Variants in FRMD5 observed in about 807,000 individuals in gnomAD.
The protein encoded by FRMD5 is FERM domain-containing protein 5.
Under a neutral mutation model 69.0 loss-of-function variants are expected in FRMD5, and 20 were observed. The observed-to-expected ratio is 0.29, with a 90% CI of 0.20 to 0.42. The LOEUF is 0.42. Among genes scored for constraint, FRMD5 ranks in the 10% least tolerant of loss-of-function variants. The pLI, the probability that FRMD5 is intolerant of heterozygous loss-of-function variation, is 1.00. For missense variants in FRMD5, 595 were observed against 708.6 expected (o/e 0.84, Z 1.82); for synonymous variants, 271 against 260.1 (o/e 1.04, Z -0.40).
At chr15:44,042,676 A>G (rs1006500160) in intron 1 of FRMD5, among the ~76,000 whole-genome samples, 5 of 152,234 alleles carry the variant, frequency 3.3e-5, no homozygotes, top group Non-Finnish European at 7.3e-5. Context: ...AATAACAAAA[A>G]GCACATGATT....
chr15:43,932,664 G>A (rs759750882), intron 1 of FRMD5, among the ~76,000 whole-genome samples: 1 of 152,218 alleles, frequency 6.6e-6, no homozygotes, highest in African/African-American at 2.4e-5. Flanking sequence ...TTAACTCAGC[G>A]TCCTGATCTC....
At chr15:44,073,444 C>T (rs1434370150) in intron 1 of FRMD5, among the ~76,000 whole-genome samples, 1 of 152,170 alleles carries the variant, frequency 6.6e-6, no homozygotes, top group African/African-American at 2.4e-5. Flanking sequence ...AGACTGCCTG[C>T]TAAATGGATA....
chr15:44,095,334 C>T (rs1163796866), intron 1 of FRMD5, among the ~76,000 whole-genome samples: 1 of 151,978 alleles, frequency 6.6e-6, no homozygotes, highest in Admixed American at 6.6e-5. Context: ...TCCCGAGTAG[C>T]TGGGACCACA....
chr15:44,154,783 A>C (rs867124438), intron 1 of FRMD5, among the ~76,000 whole-genome samples: 2 of 152,176 alleles, frequency 1.3e-5, no homozygotes, highest in Non-Finnish European at 2.9e-5. Context: ...TGAAAGGGAG[A>C]GGTTACATAG....
chr15:43,957,177 T>C lies in FRMD5; in HGVS notation c.103-32868A>G, dbSNP rs575229248. ...AGGTCATGTGTCACCTATTAAAATA[T>C]TTGTGATAATTTCTTTCTTTCTTTT... On this transcript the variant is annotated intron_variant, in intron 1 of 13. Coordinates refer to ENST00000417257, the MANE Select transcript of FRMD5 (RefSeq NM_032892.5). Among the ~76,000 whole-genome samples, 4 of 152,250 alleles carry C rather than the reference T, an allele frequency of 2.6e-5. No homozygotes were observed. The South Asian group carries it at 8.3e-4, about 32-fold the overall frequency.
chr15:44,099,639 C>T (rs1399938762), intron 1 of FRMD5, among the ~76,000 whole-genome samples: 2 of 152,208 alleles, frequency 1.3e-5, no homozygotes, highest in African/African-American at 4.8e-5. Context: ...GGCATCCTGA[C>T]TCCCTCAAGA....
chr15:44,044,701 G>A (rs1480475755), intron 1 of FRMD5, among the ~76,000 whole-genome samples: 9 of 152,068 alleles, frequency 5.9e-5, no homozygotes, highest in African/African-American at 2.2e-4. Context: ...TTCATAAGTG[G>A]GTGCTGAACA....
At chr15:44,094,751 T>C (rs2076526147) in intron 1 of FRMD5, among the ~76,000 whole-genome samples, 1 of 152,148 alleles carries the variant, frequency 6.6e-6, no homozygotes, top group Admixed American at 6.6e-5. Context: ...TATATGAATA[T>C]CAATATTCTG....
chr15:44,070,486 C>A (rs1205590955), intron 1 of FRMD5, among the ~76,000 whole-genome samples: 1 of 152,124 alleles, frequency 6.6e-6, no homozygotes, highest in African/African-American at 2.4e-5. Flanking sequence ...AGATCTGCAG[C>A]TATAGCACAT....
chr15:44,054,091 T>G (rs1459720622), intron 1 of FRMD5, among the ~76,000 whole-genome samples: 2 of 152,270 alleles, frequency 1.3e-5, no homozygotes, highest in East Asian at 3.8e-4. Context: ...TATGGTTGTG[T>G]GCCTTCTCAT....
At chr15:44,046,633 T>G (rs1892439890) in intron 1 of FRMD5, among the ~76,000 whole-genome samples, 1 of 152,266 alleles carries the variant, frequency 6.6e-6, no homozygotes, top group Admixed American at 6.5e-5. Context: ...CACACATTTT[T>G]TTGGCTCTGG....
At chr15:44,016,535 C>G (rs765565959) in intron 1 of FRMD5, among the ~76,000 whole-genome samples, 2 of 151,852 alleles carry the variant, frequency 1.3e-5, no homozygotes, top group Non-Finnish European at 2.9e-5. Context: ...CCAGCCTGGC[C>G]AACATGCGAA....
intron 7 of FRMD5, among the ~76,000 whole-genome samples, chr15:43,895,617 A>G (rs752671475): frequency 1.3e-5 from 2 of 152,234 alleles, no homozygotes; most frequent in Admixed American, 6.5e-5. Context: ...AACAATCCCA[A>G]TTGTTCCCAA....
At position 43,924,388 on chromosome 15, in the gene FRMD5, G is replaced by C. The variant is rs2089546958; in HGVS notation, c.103-79C>G. On this transcript the variant is annotated intron_variant, in intron 1 of 13. Transcript: ENST00000417257. ...TTTTTTTTTTTTATAGCCATTAAAA[G>C]TTGTTTGTAACTGTTGCATGTGTCT... The C allele has an allele frequency of 1.4e-5, 14 of 1,010,836 alleles. No individual in the cohort carries two copies. The South Asian group carries it at 1.8e-4, about 13-fold the overall frequency. 62.6% of individuals were successfully genotyped at this position (1,010,836 alleles called of 1,614,324 possible).
In FRMD5 at chr15:43,883,741, C is replaced by G. The variant is rs2088593536; in HGVS notation, c.1097G>C (p.Arg366Thr). 1.2e-6 allele frequency: 2 copies of G among 1,613,836 alleles called. No homozygotes were observed. Among genetic ancestry groups the G allele is most frequent in the Admixed American group, 1.7e-5 (1 of 59,968 alleles). The change falls in exon 13 of 14, where the codon AGG (arginine) becomes ACG (threonine). Residue 366 changes from arginine to threonine, a missense_variant. Transcript: ENST00000417257. Reference sequence around the variant, plus strand: ...GATGTGAACAGCTCTTCTGCGGGTCCTGGGGACGCTGCTCAGCCTTGGGCC... The same window carrying G: ...GATGTGAACAGCTCTTCTGCGGGTCGTGGGGACGCTGCTCAGCCTTGGGCC... ...THGPRLSSVP[R>T]TRRRAVHISI...
At chr15:44,198,378 A>G (rs902646651), upstream of FRMD5, among the ~76,000 whole-genome samples, 2 of 151,186 alleles carry the variant, frequency 1.3e-5, no homozygotes, top group East Asian at 3.9e-4. Context: ...TTAGATGCTC[A>G]CCTCACCGAA....
intron 1 of FRMD5, among the ~76,000 whole-genome samples, chr15:44,114,574 A>G (rs1269999745): frequency 2.0e-5 from 3 of 152,200 alleles, no homozygotes; most frequent in Non-Finnish European, 1.5e-5. Flanking sequence ...GGCACTTTGC[A>G]TATTTATCAA....
At position 44,041,146 on chromosome 15, in the gene FRMD5, T is replaced by C. The variant is rs118026346; in HGVS notation, c.103-116837A>G. Among the ~76,000 whole-genome samples the C allele has an allele frequency of 9.6e-3, 1,454 of 150,718 alleles. 10 individuals carry two copies. The highest frequency in any genetic ancestry group is 0.017 in the Middle Eastern group (5 of 288). ...AAGGGATCAATGCAACAAGAAGAGA[T>C]AGCTATCCTAAATATACATGTACCC... On this transcript the variant is annotated intron_variant, in intron 1 of 13. Transcript: ENST00000417257.
At chr15:44,048,885 G>A (rs1055074744) in intron 1 of FRMD5, among the ~76,000 whole-genome samples, 2 of 151,542 alleles carry the variant, frequency 1.3e-5, no homozygotes, top group African/African-American at 2.4e-5. Flanking sequence ...TTATGATTTT[G>A]ATCTCATATC....
Sources: allele counts gnomAD v4.1 joint callset (sites outside exome capture counted in the v4.1 genomes callset), GRCh38; gene constraint gnomAD v4.1.1; transcripts MANE v1.5; gene names NCBI Gene and HGNC (gene_info 2026-07-23, HGNC 2026-07-21).